The following ASH1L variants were observed in gnomAD, a reference collection of about 807,000 sequenced individuals.
ASH1L encodes the protein ASH1 like histone lysine methyltransferase, also known as histone-lysine N-methyltransferase ASH1L.
A neutral mutation model predicts 269.0 loss-of-function variants in ASH1L; 23 were observed. The ratio of observed to expected loss-of-function variants is 0.09; its 90% CI spans 0.06 to 0.12. The LOEUF is 0.12. Among genes scored for constraint, ASH1L ranks in the 10% least tolerant of loss-of-function variants. The pLI is 1.00. For synonymous variants in ASH1L, 1,187 were observed against 1,253.5 expected (o/e 0.95, Z 1.12); for missense variants, 2,912 against 3,567.8 (o/e 0.82, Z 4.68).
At chr1:155,548,242 C>G (rs1164654118) in intron 1 of ASH1L, among the ~76,000 whole-genome samples, 1 of 152,158 alleles carries the variant, frequency 6.6e-6, no homozygotes, top group Non-Finnish European at 1.5e-5. Flanking sequence ...AGATGATGAG[C>G]TGGATGCAGT....
chr1:155,541,281 G>C (rs1437522045), intron 1 of ASH1L, among the ~76,000 whole-genome samples: 1 of 151,528 alleles, frequency 6.6e-6, no homozygotes, highest in African/African-American at 2.4e-5. Context: ...ATAGATAAAA[G>C]AGAATAGGCA....
chr1:155,339,993 T>G (rs553481245), intron 25 of ASH1L, among the ~76,000 whole-genome samples: 5 of 152,310 alleles, frequency 3.3e-5, no homozygotes, highest in Admixed American at 1.3e-4. Flanking sequence ...TGAAACATGT[T>G]GCACATGACT....
intron 4 of ASH1L, among the ~76,000 whole-genome samples, chr1:155,440,772 A>C (rs1171408808): frequency 6.6e-6 from 1 of 152,062 alleles, no homozygotes; most frequent in African/African-American, 2.4e-5. Flanking sequence ...TTCTGAATAG[A>C]CCTTTCTTCT....
intron 6 of ASH1L, among the ~76,000 whole-genome samples, chr1:155,412,084 T>C (rs1161551979): frequency 2.0e-5 from 3 of 151,676 alleles, no homozygotes; most frequent in Non-Finnish European, 2.9e-5. Flanking sequence ...TCTACTAAAA[T>C]ACAAAAAATT....
chr1:155,479,168 G>C lies in ASH1L; in HGVS notation c.3702C>G (p.Pro1234=), dbSNP rs1371921325. ...TGCTTAGCACTGTAGAGGTTTCAGG[G>C]GGAATCAGAGAAACATGCTCAAAAG... The part of the protein sequence containing the change: ...RHSFEHVSLI[P]PETSTVLSSL... The change falls in exon 3 of 28, where the codon CCC becomes CCG. Residue 1234 remains proline, a synonymous_variant. Coordinates refer to ENST00000392403, the MANE Select transcript of ASH1L (RefSeq NM_018489.3). The C allele has an allele frequency of 5.0e-6, 8 of 1,613,916 alleles. No individual in the cohort carries two copies. The Admixed American group carries it at 1.0e-4, about 20-fold the overall frequency.
intron 5 of ASH1L, among the ~76,000 whole-genome samples, chr1:155,422,515 G>A (rs530208041): frequency 6.6e-6 from 1 of 150,914 alleles, no homozygotes; most frequent in Admixed American, 6.6e-5. Context: ...CCCAAAGTGG[G>A]AGGCATGCCT....
intron 1 of ASH1L, among the ~76,000 whole-genome samples, chr1:155,530,664 A>G (rs1005486043): frequency 1.3e-5 from 2 of 151,684 alleles, no homozygotes; most frequent in African/African-American, 4.8e-5. Flanking sequence ...TGAACACAGG[A>G]GGTGGAGGTT....
At chr1:155,544,985 C>CAACATGGAGAAA (rs1238067434) in intron 1 of ASH1L, among the ~76,000 whole-genome samples, 1 of 150,962 alleles carries the variant, frequency 6.6e-6, no homozygotes, top group East Asian at 1.9e-4. Context: ...CCAGCCTAAC[C>CAACATGGAGAAA]AACATGGAGA....
intron 1 of ASH1L, among the ~76,000 whole-genome samples, chr1:155,543,505 GT>G (rs1670582324): frequency 1.0e-5 from 1 of 99,124 alleles, no homozygotes. Flanking sequence ...GTGAGACTCT[GT>G]CTCAAAAAAA....
At chr1:155,407,476 TA>T (rs2148515515) in intron 6 of ASH1L, among the ~76,000 whole-genome samples, 1 of 152,312 alleles carries the variant, frequency 6.6e-6, no homozygotes, top group East Asian at 1.9e-4. Context: ...AATGTGTGGA[TA>T]AATTTATTCA....
chr1:155,460,171 A>G (rs568257676), intron 3 of ASH1L, among the ~76,000 whole-genome samples: 2 of 152,210 alleles, frequency 1.3e-5, no homozygotes, highest in South Asian at 4.1e-4. Flanking sequence ...ACAAGATATG[A>G]TTTAGTTTTC....
chr1:155,400,548 C>T (rs1020916988), intron 6 of ASH1L, among the ~76,000 whole-genome samples: 1 of 152,046 alleles, frequency 6.6e-6, no homozygotes, highest in Non-Finnish European at 1.5e-5. Flanking sequence ...CAAGGGTTGC[C>T]CAAATCAATA....
Position 155,411,586 on chromosome 1 carries a change from A to AATATATATATATATAT in ASH1L, c.6008+4142_6008+4157dup, listed in dbSNP as rs368800129. ...AAATATGAATATAAATAAATAAATA[A>AATATATATATATATAT]ATATATATATATATATATATATATA... is the stretch of plus-strand genomic sequence containing the variant. On this transcript the variant is annotated intron_variant, in intron 6 of 27. Transcript: ENST00000392403. Among the ~76,000 whole-genome samples, 197 of 55,010 alleles carry AATATATATATATATAT rather than the reference A, an allele frequency of 3.6e-3. 1 individual carries two copies. The highest frequency in any genetic ancestry group is 6.9e-3 in the East Asian group (5 of 728). The allele number at this position is 55,010 out of a possible 152,430, so 36.1% of individuals were successfully genotyped here. A position where few individuals can be genotyped will look rare whatever the true frequency, so the allele number is the denominator to read the frequency against.
chr1:155,441,035 A>G (rs1481160087), intron 4 of ASH1L, among the ~76,000 whole-genome samples: 8 of 151,868 alleles, frequency 5.3e-5, no homozygotes, highest in Admixed American at 6.6e-5. Flanking sequence ...GTTAGTTTAA[A>G]CTCTTGAACC....
At chr1:155,351,081 C>T (rs1054977226) in intron 17 of ASH1L, among the ~76,000 whole-genome samples, 15 of 149,518 alleles carry the variant, frequency 1.0e-4, no homozygotes, top group Admixed American at 1.3e-4. Context: ...ACTAAAAACA[C>T]ACACACACAC....
At chr1:155,425,725 C>T (rs1661095644) in intron 5 of ASH1L, among the ~76,000 whole-genome samples, 2 of 152,028 alleles carry the variant, frequency 1.3e-5, no homozygotes, top group South Asian at 4.1e-4. Flanking sequence ...TGAGCCACCA[C>T]ACCCGGCCAA....
At chr1:155,418,108 C>T (rs75323432) in intron 5 of ASH1L, among the ~76,000 whole-genome samples, 1 of 152,264 alleles carries the variant, frequency 6.6e-6, no homozygotes, top group Admixed American at 6.5e-5. Context: ...TGCGACATCA[C>T]AATGTCTTGC....
intron 27 of ASH1L, 39 bp from the exon 28 acceptor site, chr1:155,337,790 C>T: frequency 6.5e-7 from 1 of 1,544,062 alleles, no homozygotes; most frequent in South Asian, 1.1e-5. Flanking sequence ...AAATACCAAT[C>T]TCCTACTCCT....
intron 6 of ASH1L, among the ~76,000 whole-genome samples, chr1:155,412,078 C>A (rs1659856351): frequency 6.6e-6 from 1 of 151,862 alleles, no homozygotes; most frequent in Non-Finnish European, 1.5e-5. Context: ...CCCGTCTCTA[C>A]TAAAATACAA....
Sources: allele counts gnomAD v4.1 joint callset (sites outside exome capture counted in the v4.1 genomes callset), GRCh38; gene constraint gnomAD v4.1.1; transcripts MANE v1.5; gene names NCBI Gene and HGNC (gene_info 2026-07-23, HGNC 2026-07-21).